The following BRI3BP variants were observed in gnomAD, a reference collection of about 807,000 sequenced individuals.
BRI3BP encodes the protein BRI3-binding protein.
BRI3BP carries 7 observed loss-of-function variants against 15.8 expected under a neutral mutation model. That is an observed-to-expected ratio of 0.44 (90% CI 0.25 to 0.83). The LOEUF (loss-of-function observed/expected upper bound fraction) is 0.83. Among genes scored for constraint, BRI3BP ranks in the 40% least tolerant of loss-of-function variants. The pLI, the probability that BRI3BP is intolerant of heterozygous loss-of-function variation, is 0.20. For synonymous variants in BRI3BP, 192 were observed against 163.5 expected, an observed-to-expected ratio of 1.17 and a Z score of -1.33; for missense variants, 320 against 339.3, an observed-to-expected ratio of 0.94 and a Z score of 0.45.
chr12:125,008,453 C>T (rs912729012), intron 1 of BRI3BP, among the ~76,000 whole-genome samples: 2 of 151,976 alleles, frequency 1.3e-5, no homozygotes, highest in Admixed American at 6.6e-5. Context: ...GCTGGGACTA[C>T]AGGCGCCCAC....
intron 1 of BRI3BP, among the ~76,000 whole-genome samples, chr12:125,008,271 G>C (rs564989264): frequency 6.1e-4 from 92 of 150,710 alleles, no homozygotes; most frequent in African/African-American, 2.0e-3. Flanking sequence ...CCCCACCCAA[G>C]GGAGGGGCAG....
intron 2 of BRI3BP, among the ~76,000 whole-genome samples, chr12:125,018,626 A>T (rs1476005429): frequency 6.6e-6 from 1 of 151,418 alleles, no homozygotes; most frequent in African/African-American, 2.4e-5. Context: ...CACGCTGTTC[A>T]CAGACTTCCA....
chr12:125,025,702 G>T lies in BRI3BP; in HGVS notation c.*272G>T. 8.7e-6 allele frequency: 3 copies of T among 346,164 alleles called. No homozygotes were observed. Among genetic ancestry groups the T allele is most frequent in the Non-Finnish European group, 5.3e-6 (1 of 190,434 alleles). The allele number at this position is 346,164 out of a possible 1,614,324, so 21.4% of individuals were successfully genotyped here. On this transcript the variant is annotated 3_prime_UTR_variant, in exon 3 of 3. Coordinates refer to ENST00000341446, the MANE Select transcript of BRI3BP (RefSeq NM_080626.6). Reference sequence around the variant, plus strand: ...GGATATAACCATATTTAGTTGTACAGTAAGAGAAATTTATCTGTGCATAGA... The same window carrying T: ...GGATATAACCATATTTAGTTGTACATTAAGAGAAATTTATCTGTGCATAGA...
At chr12:125,035,371 A>G (rs2136005732), downstream of BRI3BP, among the ~76,000 whole-genome samples, 2 of 150,856 alleles carry the variant, frequency 1.3e-5, no homozygotes, top group Middle Eastern at 6.9e-3. Context: ...CACCCAAAAC[A>G]TTCACTTACT....
the BRI3BP span, among the ~76,000 whole-genome samples, chr12:125,049,770 T>C: frequency 6.6e-6 from 1 of 152,062 alleles, no homozygotes; most frequent in Non-Finnish European, 1.5e-5. Flanking sequence ...TGGGCCGATG[T>C]GGCCCAACTC....
At chr12:125,041,992 C>T in the BRI3BP span, among the ~76,000 whole-genome samples, 5 of 152,142 alleles carry the variant, frequency 3.3e-5, no homozygotes, top group South Asian at 2.1e-4. Flanking sequence ...CCACATCCGG[C>T]CCTTTTGCGT....
intron 2 of BRI3BP, among the ~76,000 whole-genome samples, chr12:125,014,487 G>A (rs1384204645): frequency 1.3e-5 from 2 of 152,228 alleles, no homozygotes; most frequent in African/African-American, 2.4e-5. Context: ...AAAGGTGCGC[G>A]AATTCCCGGG....
At chr12:125,015,057 A>G (rs1403322776) in intron 2 of BRI3BP, among the ~76,000 whole-genome samples, 3 of 152,148 alleles carry the variant, frequency 2.0e-5, no homozygotes, top group Non-Finnish European at 4.4e-5. Context: ...GTGAGCCACC[A>G]CACCCAGCCC....
chr12:125,044,029 A>T, the BRI3BP span, among the ~76,000 whole-genome samples: 1 of 152,070 alleles, frequency 6.6e-6, no homozygotes, highest in African/African-American at 2.4e-5. Flanking sequence ...TTAAAAAAAA[A>T]AAAAAAAAGG....
At chr12:125,010,987 G>A (rs1262049035) in intron 1 of BRI3BP, among the ~76,000 whole-genome samples, 2 of 151,556 alleles carry the variant, frequency 1.3e-5, no homozygotes, top group East Asian at 2.0e-4. Flanking sequence ...CCAGCTACTC[G>A]GGAGGCTGAG....
intron 2 of BRI3BP, among the ~76,000 whole-genome samples, chr12:125,012,966 C>T (rs1955209720): frequency 6.6e-6 from 1 of 151,998 alleles, no homozygotes; most frequent in African/African-American, 2.4e-5. Flanking sequence ...ACCTGTAGTC[C>T]CCATCCACTT....
intron 1 of BRI3BP, among the ~76,000 whole-genome samples, chr12:125,005,540 G>A (rs4765200): frequency 3.9e-5 from 6 of 151,922 alleles, no homozygotes; most frequent in Non-Finnish European, 8.8e-5. Flanking sequence ...AGGCCGAGGC[G>A]GGCAGATCAC....
At chr12:125,049,932 G>A in the BRI3BP span, among the ~76,000 whole-genome samples, 2 of 152,236 alleles carry the variant, frequency 1.3e-5, no homozygotes, top group Admixed American at 6.5e-5. Flanking sequence ...ACTTGGGCGA[G>A]GCGGAGAGGA....
chr12:125,037,170 C>T, the BRI3BP span, among the ~76,000 whole-genome samples: 2 of 152,206 alleles, frequency 1.3e-5, no homozygotes, highest in South Asian at 2.1e-4. Flanking sequence ...AATGATTCTC[C>T]GGCCTCAGCC....
At chr12:125,038,033 A>G in the BRI3BP span, among the ~76,000 whole-genome samples, 45 of 151,538 alleles carry the variant, frequency 3.0e-4, no homozygotes, top group African/African-American at 1.1e-3. Flanking sequence ...TGGCTCATGC[A>G]TGTAATCCCA....
At chr12:125,000,155 A>G (rs1291091549) in intron 1 of BRI3BP, among the ~76,000 whole-genome samples, 1 of 137,828 alleles carries the variant, frequency 7.3e-6, no homozygotes, top group African/African-American at 2.7e-5. Flanking sequence ...GACACTTTCC[A>G]GTCCTTTTTC....
chr12:125,001,565 C>A (rs189163506), intron 1 of BRI3BP, among the ~76,000 whole-genome samples: 1 of 151,832 alleles, frequency 6.6e-6, no homozygotes. Context: ...GATTTCTCCT[C>A]GAAATCCCTG....
rs964127959 is a variant in BRI3BP at position 125,028,464 on chromosome 12, A to G, written c.*3034A>G. 3.3e-5 allele frequency: 5 copies of G among 152,252 alleles called. No homozygotes were observed. Among genetic ancestry groups the G allele is most frequent in the African/African-American group, 1.2e-4 (5 of 41,474 alleles). 9.4% of individuals were successfully genotyped at this position (152,252 alleles called of 1,614,324 possible). A position where few individuals can be genotyped will look rare whatever the true frequency, so the allele number is the denominator to read the frequency against. On this transcript the variant is annotated 3_prime_UTR_variant, in exon 3 of 3. Coordinates refer to ENST00000341446, the MANE Select transcript of BRI3BP (RefSeq NM_080626.6). Reference sequence around the variant, plus strand: ...GTGCTGGTGGATTGAGACCTCAAGCATCAATTCAAAATTGCTGTCGAAAAT... The same window carrying G: ...GTGCTGGTGGATTGAGACCTCAAGCGTCAATTCAAAATTGCTGTCGAAAAT...
downstream of BRI3BP, among the ~76,000 whole-genome samples, chr12:125,034,756 A>AT (rs1249992846): frequency 6.6e-6 from 1 of 151,792 alleles, no homozygotes; most frequent in Non-Finnish European, 1.5e-5. Context: ...CGCCCAGCTA[A>AT]TTTTTGTATT....
Sources: gnomAD v4.1 joint callset for allele counts (sites outside exome capture counted in the v4.1 genomes callset) on GRCh38, gnomAD v4.1.1 for gene constraint, MANE v1.5 for transcripts, NCBI Gene and HGNC (gene_info 2026-07-23, HGNC 2026-07-21) for gene names.